The following YPEL5 variants were observed in gnomAD, a reference collection of about 807,000 sequenced individuals.
YPEL5 encodes protein yippee-like 5.
YPEL5 carries 1 observed loss-of-function variant against 10.5 expected under a neutral mutation model. The ratio of observed to expected loss-of-function variants is 0.10; its 90% confidence interval spans 0.03 to 0.45. The LOEUF (loss-of-function observed/expected upper bound fraction) is 0.45, where lower values mean the gene tolerates loss of function less well. YPEL5 is among the 20% of genes least tolerant of loss of function. The probability of loss-of-function intolerance (pLI) is 0.97; values close to 1 mark genes in which losing one functional copy is unlikely to be tolerated. For missense variants in YPEL5, 68 were observed against 159.3 expected, an observed-to-expected ratio of 0.43 and a Z score of 3.09; for synonymous variants, 61 against 56.6, an observed-to-expected ratio of 1.08 and a Z score of -0.35.
rs1676227234 is a variant in YPEL5 at position 30,160,417 on chromosome 2, C to A, written c.*1574C>A. ...CATGGACTCAATCTGAGAACAACAG[C>A]ATTCATTTCCATTCATTTCCATACT... On this transcript the variant is annotated 3_prime_UTR_variant, in exon 3 of 3. Coordinates refer to ENST00000261353, the MANE Select transcript of YPEL5 (RefSeq NM_016061.3). 6.6e-6 allele frequency: 1 copy of A among 152,190 alleles called. No individual in the cohort carries two copies. The allele number at this position is 152,190 out of a possible 1,614,324, so 9.4% of individuals were successfully genotyped here.
intron 1 of YPEL5, among the ~76,000 whole-genome samples, chr2:30,152,646 G>A (rs1158915388): frequency 6.6e-6 from 1 of 152,140 alleles, no homozygotes; most frequent in African/African-American, 2.4e-5. Context: ...AGAATGCAGT[G>A]GCTTGGCCAC....
intron 2 of YPEL5, among the ~76,000 whole-genome samples, chr2:30,157,136 A>C (rs1180719483): frequency 6.6e-6 from 1 of 152,116 alleles, no homozygotes; most frequent in East Asian, 1.9e-4. Context: ...TACAAAAATT[A>C]GCTGGGCGTG....
intron 1 of YPEL5, among the ~76,000 whole-genome samples, chr2:30,148,827 C>T (rs1675643751): frequency 6.6e-6 from 1 of 152,210 alleles, no homozygotes; most frequent in South Asian, 2.1e-4. Context: ...AAAGCAGCTA[C>T]TACCCTCTGA....
At chr2:30,150,664 T>G (rs1347881727) in intron 1 of YPEL5, among the ~76,000 whole-genome samples, 1 of 152,260 alleles carries the variant, frequency 6.6e-6, no homozygotes, top group Non-Finnish European at 1.5e-5. Context: ...AAACTGATCT[T>G]TTCAAATACT....
intron 2 of YPEL5, among the ~76,000 whole-genome samples, chr2:30,157,699 A>G (rs1676104747): frequency 6.6e-6 from 1 of 152,218 alleles, no homozygotes; most frequent in Non-Finnish European, 1.5e-5. Context: ...GCTAAGGAAC[A>G]TAGCTAGTCT....
chr2:30,156,274 C>CT, intron 1 of YPEL5: 1 of 183,738 alleles, frequency 5.4e-6, no homozygotes, highest in Non-Finnish European at 1.2e-5. Flanking sequence ...TATGCTAAAC[C>CT]TTTTTTCTCA....
At chr2:30,148,404 A>G (rs1319295257) in intron 1 of YPEL5, 2 of 152,184 alleles carry the variant, frequency 1.3e-5, no homozygotes, top group Non-Finnish European at 2.9e-5. Context: ...ATAGCCACAT[A>G]TAGAGCGTCG....
At chr2:30,150,410 T>TAACTCACCCAGTGTTTCCAA (rs1675728840) in intron 1 of YPEL5, among the ~76,000 whole-genome samples, 3 of 152,186 alleles carry the variant, frequency 2.0e-5, no homozygotes, top group African/African-American at 7.2e-5. Context: ...CAGGAGAGGA[T>TAACTCACCCAGTGTTTCCAA]AACTCACCCA....
Position 30,149,618 on chromosome 2 carries a change from G to A in YPEL5, c.-25+2556G>A, listed in dbSNP as rs148239304. On this transcript the variant is annotated intron_variant, in intron 1 of 2. Coordinates refer to ENST00000261353, the MANE Select transcript of YPEL5 (RefSeq NM_016061.3). The stretch of plus-strand genomic sequence containing the variant: ...TTGGGTTTTTATCCTTTGTTTTGGC[G>A]AGGGAAGAGATTAAAAACGAGATAG... Among the ~76,000 whole-genome samples the A allele has an allele frequency of 3.2e-3, 490 of 152,334 alleles. 6 individuals carry two copies. Among genetic ancestry groups the A allele is most frequent in the African/African-American group, 0.011 (465 of 41,562 alleles).
intron 1 of YPEL5, 22 bp from the exon 2 acceptor site, chr2:30,156,606 A>G (rs760912211): frequency 2.5e-6 from 4 of 1,609,558 alleles, no homozygotes; most frequent in Non-Finnish European, 3.4e-6. Context: ...TGCATTTGTT[A>G]TCCTTTTCTA....
intron 1 of YPEL5, among the ~76,000 whole-genome samples, 177 bp downstream of exon 1, chr2:30,147,239 G>C (rs1360759583): frequency 6.6e-6 from 1 of 152,024 alleles, no homozygotes; most frequent in East Asian, 1.9e-4. Flanking sequence ...ATCCTTCAGG[G>C]TGGGCCCCGG....
chr2:30,154,295 C>A (rs1263521328), intron 1 of YPEL5, among the ~76,000 whole-genome samples: 3 of 152,160 alleles, frequency 2.0e-5, no homozygotes, highest in Non-Finnish European at 4.4e-5. Flanking sequence ...GAAACATGAC[C>A]AAACTTAACT....
intron 1 of YPEL5, among the ~76,000 whole-genome samples, chr2:30,153,102 A>T (rs1029999615): frequency 2.0e-5 from 3 of 151,856 alleles, no homozygotes; most frequent in East Asian, 1.9e-4. Context: ...GGGGTTTCAC[A>T]GTGTTAGCCA....
At chr2:30,150,498 C>T (rs1675731930) in intron 1 of YPEL5, among the ~76,000 whole-genome samples, 1 of 152,138 alleles carries the variant, frequency 6.6e-6, no homozygotes, top group East Asian at 1.9e-4. Context: ...CTGAGCTCCA[C>T]AGTTTAAGTC....
intron 1 of YPEL5, chr2:30,148,068 C>A (rs909141566): frequency 1.3e-5 from 2 of 152,252 alleles, no homozygotes; most frequent in Non-Finnish European, 2.9e-5. Context: ...CCCTTGCAAC[C>A]CCTTTCCTGT....
intron 1 of YPEL5, among the ~76,000 whole-genome samples, chr2:30,151,277 G>A (rs1558355452): frequency 6.6e-6 from 1 of 151,904 alleles, no homozygotes; most frequent in Non-Finnish European, 1.5e-5. Flanking sequence ...TGGCTCTGAA[G>A]AGAATCATCT....
intron 1 of YPEL5, chr2:30,147,943 G>A (rs1184769826): frequency 6.6e-6 from 1 of 152,212 alleles, no homozygotes; most frequent in East Asian, 1.9e-4. Context: ...GGGGGCGCTC[G>A]CGGGCCCCAC....
At chr2:30,150,862 T>TA (rs1675752528) in intron 1 of YPEL5, among the ~76,000 whole-genome samples, 1 of 152,248 alleles carries the variant, frequency 6.6e-6, no homozygotes, top group African/African-American at 2.4e-5. Context: ...CAGCTCCTCA[T>TA]ACCTCTTCAT....
intron 1 of YPEL5, among the ~76,000 whole-genome samples, chr2:30,154,494 C>G (rs1393221622): frequency 6.6e-6 from 1 of 152,130 alleles, no homozygotes; most frequent in Non-Finnish European, 1.5e-5. Context: ...TGTGCCCTCC[C>G]CATTGTTAAA....
Sources: gnomAD v4.1 joint callset for allele counts (sites outside exome capture counted in the v4.1 genomes callset) on GRCh38, gnomAD v4.1.1 for gene constraint, MANE v1.5 for transcripts, NCBI Gene and HGNC (gene_info 2026-07-23, HGNC 2026-07-21) for gene names.